NF1: variants seen among roughly 807,000 people sequenced by gnomAD.
NF1 encodes neurofibromin.
In NF1, 122 loss-of-function variants were observed where a neutral mutation model predicts 325.7. The observed-to-expected ratio is 0.37, with a 90% CI of 0.32 to 0.44. The LOEUF (loss-of-function observed/expected upper bound fraction) is 0.44. NF1 is among the 20% of genes least tolerant of loss of function. The pLI, the probability that NF1 is intolerant of heterozygous loss-of-function variation, is 1.00. For missense variants in NF1, 2,140 were observed against 3,415.4 expected, an observed-to-expected ratio of 0.63 and a Z score of 9.31; for synonymous variants, 1,091 against 1,186.0, an observed-to-expected ratio of 0.92 and a Z score of 1.65.
chr17:31,227,552 A>G lies in NF1; in HGVS notation c.2355A>G (p.Glu785=), dbSNP rs876658622. The change falls in exon 20 of 58, where the codon GAA becomes GAG. Residue 785 remains glutamate, a synonymous_variant. Coordinates refer to ENST00000358273, the MANE Select transcript of NF1 (RefSeq NM_001042492.3). Reference sequence around the variant, plus strand: ...GGGAAGATACACATGCAAAATGGGAACAAGCAACAAAGCTAATCCTTAACT... The same window carrying G: ...GGGAAGATACACATGCAAAATGGGAGCAAGCAACAAAGCTAATCCTTAACT... The part of the protein sequence containing the change: ...EAWEDTHAKW[E]QATKLILNYP... 2.4e-5 allele frequency: 38 copies of G among 1,613,806 alleles called. No individual in the cohort carries two copies. The highest frequency in any genetic ancestry group is 3.1e-5 in the Non-Finnish European group (36 of 1,179,840).
intron 2 of NF1, among the ~76,000 whole-genome samples, chr17:31,157,348 T>C (rs919031604): frequency 1.3e-5 from 2 of 152,172 alleles, no homozygotes; most frequent in Non-Finnish European, 2.9e-5. Flanking sequence ...CTTCTGGTTA[T>C]AGATTGTGAA....
rs1460076498 is a variant in NF1 at position 31,181,445 on chromosome 17, C to G, written c.610C>G (p.Leu204Val). ...AGAAACAGCATTTAAATTTAAAGCC[C>G]TAAAGAAGGTTGCGCAGTTAGCAGT... Reference protein sequence around the residue: ...LKETAFKFKALKKVAQLAVIN... With the variant: ...LKETAFKFKAVKKVAQLAVIN... The change falls in exon 6 of 58, where the codon CTA (leucine) becomes GTA (valine). Residue 204 changes from leucine to valine, a missense_variant. Physicochemically the swap from Leu to Val is conservative, Grantham distance 32. Around this residue, in one of 10 missense-constraint regions of NF1, gnomAD observed 246 missense variants for 347.8 expected, o/e 0.71. Transcript: ENST00000358273. 3 of 1,613,348 alleles carry G rather than the reference C, an allele frequency of 1.9e-6. No individual in the cohort carries two copies. The highest frequency in any genetic ancestry group is 1.7e-6 in the Non-Finnish European group (2 of 1,179,624).
Position 31,123,773 on chromosome 17 carries a change from C to G in NF1, c.60+28404C>G, listed in dbSNP as rs184623741. Among the ~76,000 whole-genome samples, 7 of 152,250 alleles carry G rather than the reference C, an allele frequency of 4.6e-5. No individual in the cohort carries two copies. The East Asian group carries it at 1.4e-3, about 29-fold the overall frequency. On this transcript the variant is annotated intron_variant, in intron 1 of 57. Transcript: ENST00000358273. ...CAACAGAAACTTACTTCTCACAATTCTAAAGTCTGGGAAATCCAAGAATAA... is the reference window on the plus strand; with the variant it reads ...CAACAGAAACTTACTTCTCACAATTGTAAAGTCTGGGAAATCCAAGAATAA...
intron 1 of NF1, chr17:31,128,655 G>T (rs1283788508): frequency 6.6e-6 from 1 of 152,134 alleles, no homozygotes; most frequent in African/African-American, 2.4e-5. Flanking sequence ...GGGTGCTGTG[G>T]CTCACACCTG....
rs2151585071 is a variant in NF1, at chr17:31,358,580, C to T, written c.8071C>T (p.His2691Tyr). Residue 2691 changes from histidine to tyrosine, a missense_variant, in exon 55 of 58, where the codon CAT becomes TAT. Around this residue, in one of 10 missense-constraint regions of NF1, gnomAD observed 522 missense variants for 749.0 expected, o/e 0.70. Transcript: ENST00000358273. The part of the protein sequence containing the change: ...IHGIVQSVVY[H>Y]EESPPQYQTS... Reference sequence around the variant, plus strand: ...TGGAATTGTGCAGAGTGTGGTGTACCATGAAGAATCCCCACCACAATACCA... The same window carrying T: ...TGGAATTGTGCAGAGTGTGGTGTACTATGAAGAATCCCCACCACAATACCA... 6.2e-7 allele frequency: 1 copy of T among 1,613,790 alleles called. No individual in the cohort carries two copies. Among genetic ancestry groups the T allele is most frequent in the South Asian group, 1.1e-5 (1 of 91,060 alleles).
At chr17:31,357,704 T>G (rs569513676) in intron 54 of NF1, 1 of 347,806 alleles carries the variant, frequency 2.9e-6, no homozygotes, top group South Asian at 2.8e-5. Context: ...GTAGAGCTTT[T>G]GTATTTATCC....
chr17:31,308,506 C>T (rs892483162), intron 36 of NF1, among the ~76,000 whole-genome samples: 2 of 152,172 alleles, frequency 1.3e-5, no homozygotes, highest in Admixed American at 6.5e-5. Flanking sequence ...TCCAGATTCA[C>T]GTATCATGAC....
intron 36 of NF1, among the ~76,000 whole-genome samples, chr17:31,315,929 A>T (rs2151522952): frequency 1.3e-5 from 2 of 152,016 alleles, no homozygotes; most frequent in East Asian, 3.9e-4. Flanking sequence ...TGGTTTTTGG[A>T]AGTATTGTTG....
At chr17:31,357,543 A>G (rs564760016) in intron 54 of NF1, 174 bp downstream of exon 54, 282 of 626,632 alleles carry the variant, frequency 4.5e-4, no homozygotes, top group Admixed American at 2.2e-3. Flanking sequence ...TACTAGATCT[A>G]TTAGAAAGTT....
intron 1 of NF1, among the ~76,000 whole-genome samples, chr17:31,141,953 C>T (rs976879208): frequency 6.6e-6 from 1 of 152,114 alleles, no homozygotes; most frequent in African/African-American, 2.4e-5. Context: ...TTTTTTCTCT[C>T]ATTTAGGTGA....
chr17:31,246,148 A>G (rs2067386991), intron 29 of NF1, among the ~76,000 whole-genome samples: 2 of 152,158 alleles, frequency 1.3e-5, no homozygotes, highest in Non-Finnish European at 2.9e-5. Context: ...CCTTTTTGAA[A>G]AGGTCAAAAG....
At chr17:31,146,154 A>G (rs1443010657) in intron 1 of NF1, among the ~76,000 whole-genome samples, 1 of 152,156 alleles carries the variant, frequency 6.6e-6, no homozygotes, top group Non-Finnish European at 1.5e-5. Flanking sequence ...TCAGCCTGAA[A>G]TCAAGGTTTT....
At chr17:31,304,427 A>G in intron 36 of NF1, 3 of 1,614,162 alleles carry the variant, frequency 1.9e-6, no homozygotes, top group Non-Finnish European at 2.5e-6. Flanking sequence ...AGCGGTGGAA[A>G]TGATTGTATT....
rs566911232 is a variant in NF1, at chr17:31,119,262, C to T, written c.60+23893C>T. ...GGCCTTAAGAGTTCCTGTTTCTCCACCTCCTCTCCAGCATCTGTTGTTTCC... is the reference window on the plus strand; with the variant it reads ...GGCCTTAAGAGTTCCTGTTTCTCCATCTCCTCTCCAGCATCTGTTGTTTCC... On this transcript the variant is annotated intron_variant, in intron 1 of 57. Coordinates refer to ENST00000358273, the MANE Select transcript of NF1 (RefSeq NM_001042492.3). Among the ~76,000 whole-genome samples, 278 of 151,796 alleles carry T rather than the reference C, an allele frequency of 1.8e-3. 1 individual carries two copies. Among genetic ancestry groups the T allele is most frequent in the Middle Eastern group, 0.01 (3 of 294 alleles).
Position 31,184,945 on chromosome 17 carries a change from T to C in NF1, c.888+2280T>C, listed in dbSNP as rs534041766. 1.2e-3 allele frequency among the ~76,000 whole-genome samples: 188 copies of C among 152,290 alleles called. 2 individuals carry two copies. The South Asian group carries it at 0.036, about 29-fold the overall frequency. On this transcript the variant is annotated intron_variant, in intron 8 of 57. Coordinates refer to ENST00000358273, the MANE Select transcript of NF1 (RefSeq NM_001042492.3). ...GGGACCCTGCAACTTGGAAAGGGCATGTGTGGGAGGACCCTGATGAAGCTG... is the reference window on the plus strand; with the variant it reads ...GGGACCCTGCAACTTGGAAAGGGCACGTGTGGGAGGACCCTGATGAAGCTG...
intron 1 of NF1, among the ~76,000 whole-genome samples, chr17:31,124,638 C>T (rs1390966584): frequency 4.6e-5 from 5 of 109,186 alleles, no homozygotes; most frequent in East Asian, 2.9e-4. Context: ...TCACTCTTGT[C>T]GCCCAGGCTG....
At chr17:31,279,633 A>T (rs2068079667) in intron 36 of NF1, among the ~76,000 whole-genome samples, 2 of 151,972 alleles carry the variant, frequency 1.3e-5, no homozygotes, top group East Asian at 1.9e-4. Flanking sequence ...AGTTTTGTGA[A>T]CAATGGATAT....
chr17:31,248,014 C>T (rs17880432), intron 29 of NF1, among the ~76,000 whole-genome samples: 7,360 of 151,680 alleles, frequency 0.049, 234 homozygotes, highest in Non-Finnish European at 0.078. Context: ...ACCAGCCTGA[C>T]CAACATGGTG....
chr17:31,162,272 T>C (rs373391556), intron 3 of NF1, among the ~76,000 whole-genome samples: 7 of 151,406 alleles, frequency 4.6e-5, no homozygotes, highest in African/African-American at 1.7e-4. Flanking sequence ...AGGTCAGGAG[T>C]TCGAGACCAG....
Sources: allele counts gnomAD v4.1 joint callset (sites outside exome capture counted in the v4.1 genomes callset), GRCh38; gene constraint gnomAD v4.1.1; regional missense constraint gnomAD v4.1.1; transcripts MANE v1.5; gene names NCBI Gene and HGNC (gene_info 2026-07-23, HGNC 2026-07-21).